GABRB1: variants seen among roughly 807,000 people sequenced by gnomAD.
GABRB1 encodes gamma-aminobutyric acid receptor subunit beta-1.
GABRB1 carries 17 observed loss-of-function variants against 51.6 expected under a neutral mutation model. The ratio of observed to expected loss-of-function variants is 0.33; its 90% CI spans 0.23 to 0.49. The LOEUF (loss-of-function observed/expected upper bound fraction) is 0.49, where lower values mean the gene tolerates loss of function less well. Among genes scored for constraint, GABRB1 ranks in the 20% least tolerant of loss-of-function variants. The pLI is 0.99. For missense variants in GABRB1, 410 were observed against 600.6 expected (o/e 0.68, Z 3.32); for synonymous variants, 247 against 218.9 (o/e 1.13, Z -1.14).
At chr4:47,074,663 G>A (rs551167278) in intron 3 of GABRB1, among the ~76,000 whole-genome samples, 2 of 152,262 alleles carry the variant, frequency 1.3e-5, no homozygotes, top group African/African-American at 4.8e-5. Flanking sequence ...CATGCTAAAA[G>A]GGTTCAGAGG....
chr4:47,048,002 C>A (rs758087592), intron 3 of GABRB1, among the ~76,000 whole-genome samples: 7 of 152,164 alleles, frequency 4.6e-5, no homozygotes, highest in Non-Finnish European at 1.0e-4. Context: ...ATAATTATAT[C>A]TGTCCTACTT....
At chr4:47,244,518 T>A (rs1386711668) in intron 4 of GABRB1, among the ~76,000 whole-genome samples, 1 of 152,160 alleles carries the variant, frequency 6.6e-6, no homozygotes, top group Non-Finnish European at 1.5e-5. Context: ...GGTCCTGGAC[T>A]TTTTTTGGTT....
intron 4 of GABRB1, among the ~76,000 whole-genome samples, chr4:47,284,371 A>C (rs1490883474): frequency 6.6e-6 from 1 of 152,142 alleles, no homozygotes; most frequent in Non-Finnish European, 1.5e-5. Context: ...AACCAAGAAA[A>C]GCTCTGCTAT....
intron 4 of GABRB1, among the ~76,000 whole-genome samples, chr4:47,181,338 T>A (rs867331992): frequency 6.6e-6 from 1 of 152,098 alleles, no homozygotes. Context: ...TTAATTGCCA[T>A]ATTTTTAATT....
At chr4:47,032,509 G>T in intron 3 of GABRB1, 25 bp downstream of exon 3, 3 of 1,610,112 alleles carry the variant, frequency 1.9e-6, no homozygotes, top group Non-Finnish European at 2.6e-6. Flanking sequence ...GAGGGGCCCG[G>T]CGGTTCGGCT....
At chr4:47,299,682 C>A (rs13113904) in intron 4 of GABRB1, among the ~76,000 whole-genome samples, 1 of 151,948 alleles carries the variant, frequency 6.6e-6, no homozygotes, top group African/African-American at 2.4e-5. Flanking sequence ...GTCAGTGTGG[C>A]GATTCCTCAG....
intron 3 of GABRB1, among the ~76,000 whole-genome samples, chr4:47,066,304 C>T (rs1727079561): frequency 6.6e-6 from 1 of 152,150 alleles, no homozygotes; most frequent in Non-Finnish European, 1.5e-5. Flanking sequence ...TGTCTGCTGA[C>T]TGATCAGGGT....
intron 4 of GABRB1, among the ~76,000 whole-genome samples, chr4:47,261,852 T>C (rs987325824): frequency 3.6e-4 from 55 of 152,032 alleles, no homozygotes; most frequent in African/African-American, 1.1e-3. Flanking sequence ...GAGATATAGA[T>C]CAATGGAAGA....
chr4:47,290,837 A>AAGGTGACTT (rs1723699229), intron 4 of GABRB1, among the ~76,000 whole-genome samples: 1 of 152,156 alleles, frequency 6.6e-6, no homozygotes, highest in Non-Finnish European at 1.5e-5. Flanking sequence ...AAGCATTCAA[A>AAGGTGACTT]AGGTGACTTG....
chr4:47,055,250 T>C (rs1726539025), intron 3 of GABRB1, among the ~76,000 whole-genome samples: 1 of 152,212 alleles, frequency 6.6e-6, no homozygotes, highest in African/African-American at 2.4e-5. Context: ...CATAGAATCT[T>C]GAATAGAGAT....
At chr4:47,411,002 T>C (rs901120417) in intron 8 of GABRB1, among the ~76,000 whole-genome samples, 2 of 152,166 alleles carry the variant, frequency 1.3e-5, no homozygotes, top group Non-Finnish European at 2.9e-5. Flanking sequence ...TCAACATTCT[T>C]TGGGGAAGAT....
chr4:47,170,959 T>G (rs1317894142), intron 4 of GABRB1, among the ~76,000 whole-genome samples: 1 of 152,180 alleles, frequency 6.6e-6, no homozygotes, highest in Admixed American at 6.5e-5. Flanking sequence ...CTCAAAGTTT[T>G]TATTTTGATG....
At chr4:47,159,312 G>A (rs755106779) in intron 3 of GABRB1, among the ~76,000 whole-genome samples, 1 of 151,904 alleles carries the variant, frequency 6.6e-6, no homozygotes, top group Non-Finnish European at 1.5e-5. Context: ...AAAAAAAGAG[G>A]CATCTTAGGT....
At chr4:46,996,490 T>C (rs1013449297) in intron 1 of GABRB1, among the ~76,000 whole-genome samples, 2 of 152,164 alleles carry the variant, frequency 1.3e-5, no homozygotes, top group African/African-American at 4.8e-5. Flanking sequence ...GCCCTGGAAA[T>C]GAACACAAAA....
chr4:47,025,823 C>T (rs1194084427), intron 1 of GABRB1, among the ~76,000 whole-genome samples: 1 of 151,924 alleles, frequency 6.6e-6, no homozygotes, highest in Non-Finnish European at 1.5e-5. Flanking sequence ...TTCTCATTAT[C>T]CCCTCTCCTC....
chr4:47,370,004 T>C (rs1727129194), intron 5 of GABRB1, among the ~76,000 whole-genome samples: 1 of 152,186 alleles, frequency 6.6e-6, no homozygotes, highest in Non-Finnish European at 1.5e-5. Context: ...AAATTTTATA[T>C]AAACATATAA....
chr4:47,155,422 C>T (rs974082650), intron 3 of GABRB1, among the ~76,000 whole-genome samples: 4 of 151,972 alleles, frequency 2.6e-5, no homozygotes, highest in Non-Finnish European at 4.4e-5. Flanking sequence ...AAAAGATATA[C>T]ACACATATTA....
chr4:47,368,100 T>C (rs1402478141), intron 5 of GABRB1, among the ~76,000 whole-genome samples: 2 of 152,174 alleles, frequency 1.3e-5, no homozygotes, highest in African/African-American at 4.8e-5. Flanking sequence ...CAATATTATA[T>C]CTCTACTACC....
At chr4:47,068,712 A>G (rs1023969569) in intron 3 of GABRB1, among the ~76,000 whole-genome samples, 1 of 152,214 alleles carries the variant, frequency 6.6e-6, no homozygotes, top group African/African-American at 2.4e-5. Flanking sequence ...AACATCAAAG[A>G]TCACTGATCA....
Sources: allele counts gnomAD v4.1 joint callset (sites outside exome capture counted in the v4.1 genomes callset), GRCh38; gene constraint gnomAD v4.1.1; transcripts MANE v1.5; gene names NCBI Gene and HGNC (gene_info 2026-07-23, HGNC 2026-07-21).